ZNF83: variants seen among roughly 807,000 people sequenced by gnomAD.
ZNF83 encodes the protein zinc finger protein 816B.
For missense variants in ZNF83, 552 were observed against 629.9 expected (o/e 0.88, Z 1.32); for synonymous variants, 209 against 213.0 (o/e 0.98, Z 0.17).
At chr19:52,628,103 T>C (rs2060811594) in intron 2 of ZNF83, among the ~76,000 whole-genome samples, 1 of 152,156 alleles carries the variant, frequency 6.6e-6, no homozygotes. Flanking sequence ...TACTCTCTTT[T>C]TGGACTCAGC....
At chr19:52,635,023 G>T in intron 2 of ZNF83, 43 bp downstream of exon 2, 1 of 730,262 alleles carries the variant, frequency 1.4e-6, no homozygotes, top group Non-Finnish European at 2.5e-6. Flanking sequence ...CAGGGTTTCT[G>T]AAAGGAAAGA....
intron 3 of ZNF83, among the ~76,000 whole-genome samples, chr19:52,645,010 TA>T (rs35106617): frequency 0.14 from 15,117 of 111,114 alleles, 1,359 homozygotes; most frequent in East Asian, 0.4. Flanking sequence ...AACTCCATCT[TA>T]AAAAAAAAAA....
intron 2 of ZNF83, among the ~76,000 whole-genome samples, chr19:52,625,864 C>T (rs964914779): frequency 6.6e-6 from 1 of 152,216 alleles, no homozygotes; most frequent in Non-Finnish European, 1.5e-5. Flanking sequence ...ATTACAACCT[C>T]TGATGGCTGC....
At chr19:52,649,802 G>A (rs1600227936) in intron 3 of ZNF83, among the ~76,000 whole-genome samples, 1 of 152,158 alleles carries the variant, frequency 6.6e-6, no homozygotes, top group African/African-American at 2.4e-5. Context: ...AAAAGTTACA[G>A]AAACTAGAAA....
rs551320355 is a variant in ZNF83 at position 52,632,684 on chromosome 19, G to A, written c.-234+2382C>T. The stretch of plus-strand genomic sequence containing the variant: ...GGCAAGGCTATGCTGAACCTCCTTA[G>A]GCACTCTCTAGTATTAGATGTCGTA... On this transcript the variant is annotated intron_variant, in intron 2 of 2. Coordinates refer to ENST00000301096, the Ensembl canonical transcript of ZNF83. Among the ~76,000 whole-genome samples the A allele has an allele frequency of 1.7e-3, 258 of 152,236 alleles. 1 individual carries two copies. Among genetic ancestry groups the A allele is most frequent in the African/African-American group, 6.1e-3 (252 of 41,536 alleles).
intron 2 of ZNF83, among the ~76,000 whole-genome samples, chr19:52,621,594 T>C (rs1260234912): frequency 6.6e-6 from 1 of 152,142 alleles, no homozygotes; most frequent in African/African-American, 2.4e-5. Flanking sequence ...CCCCACTCTC[T>C]CTGTGTCTCT....
intron 2 of ZNF83, among the ~76,000 whole-genome samples, chr19:52,615,981 G>A (rs1473023440): frequency 6.6e-6 from 1 of 152,174 alleles, no homozygotes; most frequent in Non-Finnish European, 1.5e-5. Flanking sequence ...TGGGATTACA[G>A]GCGACTGCCA....
At chr19:52,676,916 T>C (rs1465741099) in intron 1 of ZNF83, among the ~76,000 whole-genome samples, 2 of 137,830 alleles carry the variant, frequency 1.5e-5, no homozygotes, top group Non-Finnish European at 3.1e-5. Flanking sequence ...GTTAAACAGA[T>C]GCTTGAAGGC....
intron 2 of ZNF83, chr19:52,655,749 G>A (rs921097357): frequency 1.4e-6 from 1 of 704,968 alleles, no homozygotes; most frequent in Admixed American, 2.3e-5. Context: ...CACACAAAAT[G>A]AGAAAAGAGA....
chr19:52,657,600 C>A (rs1195621802), intron 2 of ZNF83, among the ~76,000 whole-genome samples: 2 of 152,192 alleles, frequency 1.3e-5, no homozygotes, highest in Non-Finnish European at 2.9e-5. Flanking sequence ...GTAATCCCAG[C>A]ACTTTGGGAT....
chr19:52,629,833 T>TA (rs1255690420), intron 2 of ZNF83, among the ~76,000 whole-genome samples: 2 of 152,196 alleles, frequency 1.3e-5, no homozygotes, highest in African/African-American at 4.8e-5. Flanking sequence ...CGACATTAAA[T>TA]AAAACTCCAA....
At chr19:52,690,048 C>T (rs1048014036) in intron 1 of ZNF83, among the ~76,000 whole-genome samples, 1 of 152,190 alleles carries the variant, frequency 6.6e-6, no homozygotes, top group Non-Finnish European at 1.5e-5. Flanking sequence ...CACGGCCTCC[C>T]CGGGACAGGG....
chr19:52,615,962 C>G (rs1371685793), intron 2 of ZNF83, among the ~76,000 whole-genome samples: 1 of 152,190 alleles, frequency 6.6e-6, no homozygotes, highest in African/African-American at 2.4e-5. Context: ...CCTCAGCCTC[C>G]TGAGTAGCTG....
At chr19:52,612,812 C>T in exon 3 of ZNF83, 1 of 466,238 alleles carries the variant, frequency 2.1e-6, no homozygotes. Context: ...TTGAAGAATC[C>T]TGGTCTCAGA....
chr19:52,660,499 T>A (rs1273790148), intron 2 of ZNF83, among the ~76,000 whole-genome samples: 1 of 148,454 alleles, frequency 6.7e-6, no homozygotes, highest in Non-Finnish European at 1.5e-5. Flanking sequence ...ACACCTATAA[T>A]CACAGCTGCT....
intron 1 of ZNF83, among the ~76,000 whole-genome samples, chr19:52,672,502 T>C (rs2061740137): frequency 6.6e-6 from 1 of 152,180 alleles, no homozygotes; most frequent in Admixed American, 6.5e-5. Context: ...AATCCGAGCA[T>C]GATGGGAGGC....
chr19:52,654,016 G>A, intron 3 of ZNF83: 1 of 1,546,912 alleles, frequency 6.5e-7, no homozygotes, highest in Non-Finnish European at 8.9e-7. Context: ...AATTCTTTGG[G>A]ATGTTGAAAC....
At chr19:52,634,845 A>C (rs145646039) in intron 2 of ZNF83, among the ~76,000 whole-genome samples, 3,068 of 152,188 alleles carry the variant, frequency 0.02, 88 homozygotes, top group African/African-American at 0.053. Context: ...GTGGGCCCTT[A>C]CCAGGACCAT....
intron 3 of ZNF83, among the ~76,000 whole-genome samples, chr19:52,647,807 T>G (rs2061392461): frequency 6.6e-6 from 1 of 151,810 alleles, no homozygotes; most frequent in South Asian, 2.1e-4. Flanking sequence ...TTCTCCCCAG[T>G]CTTTCAATCA....
Sources: gnomAD v4.1 joint callset for allele counts (sites outside exome capture counted in the v4.1 genomes callset) on GRCh38, gnomAD v4.1.1 for gene constraint, MANE v1.5 for transcripts, NCBI Gene and HGNC (gene_info 2026-07-23, HGNC 2026-07-21) for gene names.